ZNF83: variants seen among roughly 807,000 people sequenced by gnomAD.
ZNF83 encodes zinc finger protein 816B.
For synonymous variants in ZNF83, 209 were observed against 213.0 expected (o/e 0.98, Z 0.17); for missense variants, 552 against 629.9 (o/e 0.88, Z 1.32).
intron 3 of ZNF83, among the ~76,000 whole-genome samples, chr19:52,646,548 G>C (rs370366): frequency 0.81 from 122,977 of 152,114 alleles, 50,396 homozygotes; most frequent in African/African-American, 0.95. Flanking sequence ...GATGCTATCT[G>C]AAAATATTAA....
intron 2 of ZNF83, among the ~76,000 whole-genome samples, chr19:52,631,422 GCA>G (rs2060956199): frequency 1.3e-5 from 2 of 152,304 alleles, no homozygotes; most frequent in Admixed American, 1.3e-4. Flanking sequence ...TCTGCGTGCA[GCA>G]GCTGCTGCCG....
At chr19:52,614,495 G>C in exon 3 of ZNF83, 1 of 1,608,842 alleles carries the variant, frequency 6.2e-7, no homozygotes, top group Non-Finnish European at 8.5e-7. Context: ...TCTGGTAGAT[G>C]TGACTGCGGG....
At chr19:52,642,773 C>T (rs949949572), upstream of ZNF83, among the ~76,000 whole-genome samples, 7 of 152,272 alleles carry the variant, frequency 4.6e-5, no homozygotes, top group Non-Finnish European at 8.8e-5. Context: ...GTGGTCCCAG[C>T]TACTTAGGAA....
intron 1 of ZNF83, among the ~76,000 whole-genome samples, chr19:52,676,423 C>G (rs190632205): frequency 1.3e-5 from 2 of 152,070 alleles, no homozygotes; most frequent in African/African-American, 4.8e-5. Flanking sequence ...AAGTGAGGAG[C>G]GTCTCTGCCT....
chr19:52,643,911 A>C (rs1331547479), intron 3 of ZNF83, among the ~76,000 whole-genome samples: 1 of 152,164 alleles, frequency 6.6e-6, no homozygotes, highest in Non-Finnish European at 1.5e-5. Flanking sequence ...AAAAGAGAAA[A>C]GCAACTGTGA....
intron 3 of ZNF83, among the ~76,000 whole-genome samples, chr19:52,644,270 C>T (rs2061345866): frequency 6.6e-6 from 1 of 151,898 alleles, no homozygotes; most frequent in African/African-American, 2.4e-5. Flanking sequence ...AAAGCCACAT[C>T]CAGACACCCA....
At chr19:52,617,011 C>A (rs1162504516) in intron 2 of ZNF83, 2 of 151,832 alleles carry the variant, frequency 1.3e-5, no homozygotes, top group African/African-American at 4.8e-5. Context: ...GGGAGGGAAG[C>A]AACATAGAGC....
chr19:52,670,357 A>G (rs2061708683), intron 1 of ZNF83, among the ~76,000 whole-genome samples: 1 of 152,198 alleles, frequency 6.6e-6, no homozygotes. Context: ...CCTCGCCAAT[A>G]GGGGAATGAC....
At chr19:52,673,919 G>C (rs2061762339) in intron 1 of ZNF83, among the ~76,000 whole-genome samples, 1 of 149,308 alleles carries the variant, frequency 6.7e-6, no homozygotes, top group African/African-American at 2.5e-5. Flanking sequence ...GGGAGGCTGA[G>C]GCAGGAGAAT....
chr19:52,623,959 C>A (rs958339509), intron 2 of ZNF83, among the ~76,000 whole-genome samples: 1 of 152,134 alleles, frequency 6.6e-6, no homozygotes, highest in African/African-American at 2.4e-5. Flanking sequence ...CTCCACAACT[C>A]ACTATTCCAT....
intron 1 of ZNF83, among the ~76,000 whole-genome samples, chr19:52,687,633 G>GTATATATATATA (rs35612737): frequency 7.2e-5 from 2 of 27,846 alleles, no homozygotes; most frequent in Admixed American, 4.3e-4. Flanking sequence ...TATATATAAT[G>GTATATATATATA]TATATATATA....
chr19:52,619,027 G>A lies in ZNF83; in HGVS notation c.-233-4230C>T. ...CCAGGCATTTCCACTCCTCCTGAGA[G>A]AATTCTATGGCCACATCCCTGAATG... On this transcript the variant is annotated intron_variant, in intron 2 of 2. Coordinates refer to ENST00000301096, the Ensembl canonical transcript of ZNF83. 4 of 1,607,894 alleles carry A rather than the reference G, an allele frequency of 2.5e-6. No individual in the cohort carries two copies. In the East Asian group the frequency reaches 8.9e-5, roughly 36 times the overall value.
In ZNF83 at chr19:52,687,614, G is replaced by GTATATATATATATATATAA. The variant is rs1437771631; in HGVS notation, c.-283+2828_-283+2829insTTATATATATATATATATA. Among the ~76,000 whole-genome samples the GTATATATATATATATATAA allele has an allele frequency of 2.6e-4, 3 of 11,626 alleles. 1 individual carries two copies. Among genetic ancestry groups the GTATATATATATATATATAA allele is most frequent in the African/African-American group, 2.1e-3 (2 of 970 alleles). 7.6% of individuals were successfully genotyped at this position (11,626 alleles called of 152,430 possible). On this transcript the variant is annotated intron_variant, in intron 1 of 5. Coordinates refer to the ZNF83 transcript ENST00000594682. ...TATATATAATGTATATATATATAAT[G>GTATATATATATATATATAA]TGTATATATATATATAATGTATATA...
chr19:52,627,375 T>C (rs1014355852), intron 2 of ZNF83, among the ~76,000 whole-genome samples: 6 of 151,326 alleles, frequency 4.0e-5, no homozygotes, highest in East Asian at 1.9e-4. Flanking sequence ...AGAAAAACTA[T>C]TGGGGGCCAG....
chr19:52,670,064 C>T (rs924160324), intron 1 of ZNF83, among the ~76,000 whole-genome samples: 1 of 152,202 alleles, frequency 6.6e-6, no homozygotes, highest in African/African-American at 2.4e-5. Context: ...TTAACTTCCT[C>T]ATAAAGCAAC....
chr19:52,653,311 G>A (rs959202813), intron 3 of ZNF83: 2 of 1,310,790 alleles, frequency 1.5e-6, no homozygotes, highest in South Asian at 1.2e-5. Flanking sequence ...TTCATTACAT[G>A]TGTAAGGTTT....
chr19:52,655,762 A>G lies in ZNF83; in HGVS notation c.-200-75T>C, dbSNP rs562221645. On this transcript the variant is annotated intron_variant, in intron 2 of 5. Coordinates refer to the ZNF83 transcript ENST00000594682. ...TTCACACAAAATGAGAAAAGAGAAA[A>G]TAAGTATTGATTTGATCCAAGACGG... The G allele has an allele frequency of 9.8e-5, 67 of 685,372 alleles. No individual in the cohort carries two copies. In the South Asian group the frequency reaches 1.1e-3, roughly 11 times the overall value. The allele number at this position is 685,372 out of a possible 1,614,324, so 42.5% of individuals were successfully genotyped here.
At chr19:52,622,463 G>C (rs534776940) in intron 2 of ZNF83, among the ~76,000 whole-genome samples, 3 of 152,220 alleles carry the variant, frequency 2.0e-5, no homozygotes, top group African/African-American at 7.2e-5. Context: ...ACACCTGCAG[G>C]CCTCATGAGC....
chr19:52,635,127 T>C lies in ZNF83; in HGVS notation c.-295A>G. On this transcript the variant is annotated 5_prime_UTR_variant, in exon 2 of 3. The change abolishes an upstream ATG in the 5' untranslated region. Coordinates refer to ENST00000301096, the Ensembl canonical transcript of ZNF83. Reference sequence around the variant, plus strand: ...CTTCCCCTTCCGGGTTTCTTCCTCATGTACCAAGAGTCCTTAGAAGTCAAT... The same window carrying C: ...CTTCCCCTTCCGGGTTTCTTCCTCACGTACCAAGAGTCCTTAGAAGTCAAT... 1 of 685,002 alleles carries C rather than the reference T, an allele frequency of 1.5e-6. No homozygotes were observed. Among genetic ancestry groups the C allele is most frequent in the Non-Finnish European group, 2.6e-6 (1 of 382,440 alleles). 42.4% of individuals were successfully genotyped at this position (685,002 alleles called of 1,614,324 possible).
Sources: gnomAD v4.1 joint callset for allele counts (sites outside exome capture counted in the v4.1 genomes callset) on GRCh38, gnomAD v4.1.1 for gene constraint, MANE v1.5 for transcripts, NCBI Gene and HGNC (gene_info 2026-07-23, HGNC 2026-07-21) for gene names.